Variants in CAST observed in about 807,000 individuals in gnomAD.
The protein encoded by CAST is MIR583 host.
In CAST, 76 loss-of-function variants were observed where a neutral mutation model predicts 119.6. That is an observed-to-expected ratio of 0.64 (90% confidence interval 0.53 to 0.77). CAST has a LOEUF of 0.77. CAST is among the 30% of genes least tolerant of loss of function. The probability of loss-of-function intolerance (pLI) is 0.00; values close to 1 mark genes in which losing one functional copy is unlikely to be tolerated. For synonymous variants in CAST, 319 were observed against 331.6 expected (o/e 0.96, Z 0.41); for missense variants, 953 against 946.5 (o/e 1.01, Z -0.09).
chr5:96,655,748 G>A (rs536204847), intron 1 of CAST, among the ~76,000 whole-genome samples: 2 of 152,204 alleles, frequency 1.3e-5, no homozygotes, highest in Non-Finnish European at 2.9e-5. Context: ...ATCATCAACA[G>A]TTTAAAAAAG....
intron 3 of CAST, among the ~76,000 whole-genome samples, chr5:96,698,736 C>G (rs1226368634): frequency 6.6e-6 from 1 of 152,062 alleles, no homozygotes; most frequent in Non-Finnish European, 1.5e-5. Flanking sequence ...AATATTCTCC[C>G]AACACATTCT....
At chr5:96,308,424 G>A in the CAST span, among the ~76,000 whole-genome samples, 1 of 151,780 alleles carries the variant, frequency 6.6e-6, no homozygotes, top group East Asian at 1.9e-4. Flanking sequence ...CTGGGGAATT[G>A]TTATTACCCA....
the CAST span, among the ~76,000 whole-genome samples, chr5:96,015,686 G>A: frequency 6.6e-6 from 1 of 152,094 alleles, no homozygotes; most frequent in Non-Finnish European, 1.5e-5. Flanking sequence ...TATATGTCGA[G>A]CACATTGCTA....
chr5:96,702,947 G>T (rs1754151963), intron 3 of CAST: 2 of 985,524 alleles, frequency 2.0e-6, no homozygotes, highest in Non-Finnish European at 2.4e-6. Flanking sequence ...TTTGCTCCAG[G>T]CCGCGCGTGC....
chr5:96,591,653 C>T (rs1344940495), intron 1 of CAST, among the ~76,000 whole-genome samples: 1 of 152,180 alleles, frequency 6.6e-6, no homozygotes, highest in Non-Finnish European at 1.5e-5. Context: ...GCAGAAGTTG[C>T]AAATATGCTC....
the CAST span, among the ~76,000 whole-genome samples, chr5:96,417,130 C>T: frequency 6.6e-6 from 1 of 152,120 alleles, no homozygotes; most frequent in East Asian, 1.9e-4. Context: ...CATTTCAATT[C>T]TACTATACTG....
the CAST span, among the ~76,000 whole-genome samples, chr5:96,233,342 C>G: frequency 1.3e-5 from 2 of 151,972 alleles, no homozygotes; most frequent in Admixed American, 6.6e-5. Context: ...CAAGTTTTAG[C>G]TGTATCTAGA....
the CAST span, among the ~76,000 whole-genome samples, chr5:96,462,860 G>T: frequency 2.6e-5 from 4 of 152,028 alleles, no homozygotes; most frequent in African/African-American, 2.4e-5. Flanking sequence ...GTGTTCGGCG[G>T]TTCCTCCATC....
At chr5:96,403,312 C>T in the CAST span, among the ~76,000 whole-genome samples, 276 of 152,114 alleles carry the variant, frequency 1.8e-3, no homozygotes, top group Non-Finnish European at 2.9e-3. Flanking sequence ...ATGTGCACAA[C>T]GTGCAGTTTT....
At chr5:96,452,640 T>TAAAAAAAAAAAAAAA in the CAST span, among the ~76,000 whole-genome samples, 3 of 90,134 alleles carry the variant, frequency 3.3e-5, no homozygotes, top group East Asian at 3.3e-4. Flanking sequence ...TAAAGTATAA[T>TAAAAAAAAAAAAAAA]AAAAAAAAAA....
chr5:96,527,580 G>A (rs1337081610), upstream of CAST, among the ~76,000 whole-genome samples: 1 of 152,114 alleles, frequency 6.6e-6, no homozygotes, highest in Non-Finnish European at 1.5e-5. Context: ...GCTCATAGGT[G>A]ATACAAGCTA....
At chr5:96,692,615 C>G (rs973532972) in intron 2 of CAST, among the ~76,000 whole-genome samples, 4 of 152,136 alleles carry the variant, frequency 2.6e-5, no homozygotes, top group African/African-American at 9.7e-5. Flanking sequence ...TAGAATGCCT[C>G]CTTTCCCTCA....
At chr5:96,119,003 T>C in the CAST span, among the ~76,000 whole-genome samples, 2 of 152,168 alleles carry the variant, frequency 1.3e-5, no homozygotes, top group Admixed American at 6.6e-5. Flanking sequence ...CGTATCTTCA[T>C]TGGAAAATGT....
the CAST span, chr5:96,408,214 G>T: frequency 6.2e-7 from 1 of 1,601,324 alleles, no homozygotes; most frequent in Non-Finnish European, 8.6e-7. Flanking sequence ...GAAGCTTTCT[G>T]GGCCTTACTT....
the CAST span, among the ~76,000 whole-genome samples, chr5:96,187,509 C>G: frequency 1.3e-5 from 2 of 152,154 alleles, no homozygotes; most frequent in Non-Finnish European, 2.9e-5. Context: ...CTTAACACTG[C>G]TTTAGCTGTG....
chr5:95,980,704 C>A, the CAST span, among the ~76,000 whole-genome samples: 2 of 152,168 alleles, frequency 1.3e-5, no homozygotes, highest in African/African-American at 4.8e-5. Flanking sequence ...TAAGCCCTCA[C>A]GTCACCCACC....
At chr5:96,399,954 T>A in the CAST span, 1 of 1,609,540 alleles carries the variant, frequency 6.2e-7, no homozygotes, top group Non-Finnish European at 8.5e-7. Context: ...GATACTTACC[T>A]GGGCTCAAAG....
chr5:96,700,908 A>G (rs1753796019), intron 3 of CAST, among the ~76,000 whole-genome samples: 1 of 152,070 alleles, frequency 6.6e-6, no homozygotes, highest in South Asian at 2.1e-4. Flanking sequence ...CCTGACTTAC[A>G]GCAGAAGAAT....
intron 2 of CAST, among the ~76,000 whole-genome samples, chr5:96,694,435 A>G (rs927239190): frequency 6.6e-6 from 1 of 152,178 alleles, no homozygotes; most frequent in Non-Finnish European, 1.5e-5. Flanking sequence ...CAGGAGATCG[A>G]GACCATTCTG....
Sources: allele counts gnomAD v4.1 joint callset (sites outside exome capture counted in the v4.1 genomes callset), GRCh38; gene constraint gnomAD v4.1.1; transcripts MANE v1.5; gene names NCBI Gene and HGNC (gene_info 2026-07-23, HGNC 2026-07-21).